EYA2: variants seen among roughly 807,000 people sequenced by gnomAD.
EYA2 encodes the protein EYA transcriptional coactivator and phosphatase 2, also known as protein phosphatase EYA2.
EYA2 carries 31 observed loss-of-function variants against 69.2 expected under a neutral mutation model. The ratio of observed to expected loss-of-function variants is 0.45; its 90% CI spans 0.34 to 0.60. The LOEUF is 0.60. Ranked by LOEUF, EYA2 falls within the 20% of genes least tolerant of loss-of-function variation. The pLI is 0.02. For synonymous variants in EYA2, 257 were observed against 279.4 expected, an observed-to-expected ratio of 0.92 and a Z score of 0.80; for missense variants, 622 against 701.2, an observed-to-expected ratio of 0.89 and a Z score of 1.28.
At chr20:47,016,045 C>A in intron 4 of EYA2, 136 bp from the exon 5 acceptor site, 1 of 702,806 alleles carries the variant, frequency 1.4e-6, no homozygotes, top group Non-Finnish European at 2.6e-6. Context: ...GGCTGACAAG[C>A]CACCAGTTTG....
At chr20:47,046,531 C>G (rs544922954) in intron 5 of EYA2, among the ~76,000 whole-genome samples, 1 of 152,260 alleles carries the variant, frequency 6.6e-6, no homozygotes, top group Admixed American at 6.5e-5. Flanking sequence ...CAGCCCTCAT[C>G]CTAAAACAAC....
chr20:47,182,261 T>A (rs541495529), intron 14 of EYA2, among the ~76,000 whole-genome samples: 29 of 151,984 alleles, frequency 1.9e-4, no homozygotes, highest in African/African-American at 6.3e-4. Context: ...GTGATCCATC[T>A]GCCTCGGCCT....
chr20:47,170,712 CT>C (rs1355811080), intron 11 of EYA2, among the ~76,000 whole-genome samples: 2 of 151,886 alleles, frequency 1.3e-5, no homozygotes, highest in African/African-American at 4.8e-5. Flanking sequence ...AAGCCTGCCC[CT>C]GGGAAAACTT....
intron 5 of EYA2, among the ~76,000 whole-genome samples, chr20:47,070,504 A>G (rs79497185): frequency 0.03 from 4,604 of 152,326 alleles, 238 homozygotes; most frequent in African/African-American, 0.1. Context: ...AGGTAAACAT[A>G]TGCTTACCAC....
chr20:46,907,245 C>T (rs1330713655), intron 1 of EYA2, among the ~76,000 whole-genome samples: 1 of 152,216 alleles, frequency 6.6e-6, no homozygotes, highest in Non-Finnish European at 1.5e-5. Flanking sequence ...AAGGGAAAAC[C>T]GCCTGAGCTG....
rs79083110 is a variant in EYA2 at position 47,157,591 on chromosome 20, T to C, written c.979-11548T>C. The stretch of plus-strand genomic sequence containing the variant: ...AATGAAAGGGTGGACATTACTAAAA[T>C]CCAGGGGAGGTTGTTTCTTTTAATT... On this transcript the variant is annotated intron_variant, in intron 10 of 15. Transcript: ENST00000327619. 3.0e-3 allele frequency among the ~76,000 whole-genome samples: 454 copies of C among 151,968 alleles called. 6 individuals are homozygous for C. The highest frequency in any genetic ancestry group is 0.01 in the African/African-American group (433 of 41,542).
In EYA2 at chr20:47,091,471, G is replaced by A. The variant is rs1016312794; in HGVS notation, c.804+2090G>A. On this transcript the variant is annotated intron_variant, in intron 8 of 15. Coordinates refer to ENST00000327619, the MANE Select transcript of EYA2 (RefSeq NM_005244.5). ...AACCAGTACCGGGCCCAGCACAGTGGCTCACGCCTATAACCTTACCACTTT... is the reference window on the plus strand; with the variant it reads ...AACCAGTACCGGGCCCAGCACAGTGACTCACGCCTATAACCTTACCACTTT... Among the ~76,000 whole-genome samples the A allele has an allele frequency of 9.2e-5, 14 of 151,904 alleles. 1 individual carries two copies. The South Asian group carries it at 2.9e-3, about 32-fold the overall frequency.
intron 1 of EYA2, among the ~76,000 whole-genome samples, chr20:46,906,612 A>G (rs927631254): frequency 3.3e-5 from 5 of 152,232 alleles, no homozygotes; most frequent in African/African-American, 1.2e-4. Flanking sequence ...TATAGGCATT[A>G]ACTCATTTAT....
intron 1 of EYA2, among the ~76,000 whole-genome samples, chr20:46,953,551 A>G (rs1359643167): frequency 2.0e-5 from 3 of 152,188 alleles, no homozygotes; most frequent in African/African-American, 7.2e-5. Flanking sequence ...CATCAGCGGT[A>G]TGGACAGATG....
intron 1 of EYA2, among the ~76,000 whole-genome samples, chr20:46,974,394 C>T (rs1980327093): frequency 6.6e-6 from 1 of 152,206 alleles, no homozygotes; most frequent in African/African-American, 2.4e-5. Context: ...CAGAACAAAG[C>T]TCACCACAGT....
At chr20:47,114,116 C>G (rs1341447740) in intron 9 of EYA2, among the ~76,000 whole-genome samples, 1 of 152,194 alleles carries the variant, frequency 6.6e-6, no homozygotes, top group African/African-American at 2.4e-5. Flanking sequence ...TATAAGACAC[C>G]TGTTGGTGTG....
At chr20:47,128,343 C>T (rs1281841266) in intron 9 of EYA2, among the ~76,000 whole-genome samples, 1 of 152,168 alleles carries the variant, frequency 6.6e-6, no homozygotes, top group Non-Finnish European at 1.5e-5. Flanking sequence ...CCTTTTGTCC[C>T]CTCCAAAGAC....
intron 10 of EYA2, chr20:47,167,077 T>G (rs2146645481): frequency 6.5e-6 from 1 of 154,676 alleles, no homozygotes; most frequent in Admixed American, 6.5e-5. Flanking sequence ...TCGTGTAGGC[T>G]CCACATGGGA....
intron 1 of EYA2, among the ~76,000 whole-genome samples, chr20:46,986,388 G>A (rs373017881): frequency 4.5e-5 from 3 of 66,032 alleles, no homozygotes; most frequent in South Asian, 4.6e-4. Context: ...ATTATATATC[G>A]ATATATAATA....
At chr20:46,989,882 A>T (rs750953860) in intron 1 of EYA2, 119 bp from the exon 2 acceptor site, 12 of 519,008 alleles carry the variant, frequency 2.3e-5, no homozygotes, top group Non-Finnish European at 4.3e-5. Flanking sequence ...TAGAATTTAT[A>T]AGAAGTCTGG....
At chr20:46,976,675 A>G (rs991396437) in intron 1 of EYA2, among the ~76,000 whole-genome samples, 1 of 152,172 alleles carries the variant, frequency 6.6e-6, no homozygotes, top group African/African-American at 2.4e-5. Flanking sequence ...GTGAGCCACC[A>G]TGCCCGGACC....
intron 9 of EYA2, among the ~76,000 whole-genome samples, chr20:47,134,391 TAC>T (rs936308056): frequency 4.1e-4 from 62 of 152,332 alleles, no homozygotes; most frequent in African/African-American, 1.5e-3. Context: ...TTGAACAAGC[TAC>T]ACAGTAATAA....
intron 10 of EYA2, among the ~76,000 whole-genome samples, chr20:47,154,585 G>T (rs564590311): frequency 2.6e-5 from 4 of 151,892 alleles, no homozygotes; most frequent in Non-Finnish European, 4.4e-5. Context: ...AGTGATGTCC[G>T]TCTGGTTTGA....
At chr20:47,186,107 T>C (rs1288756780) in intron 15 of EYA2, among the ~76,000 whole-genome samples, 1 of 152,166 alleles carries the variant, frequency 6.6e-6, no homozygotes, top group Admixed American at 6.5e-5. Context: ...AGCTGCTTTC[T>C]ACCCTATCTC....
Sources: gnomAD v4.1 joint callset for allele counts (sites outside exome capture counted in the v4.1 genomes callset) on GRCh38, gnomAD v4.1.1 for gene constraint, MANE v1.5 for transcripts, NCBI Gene and HGNC (gene_info 2026-07-23, HGNC 2026-07-21) for gene names.